DOCK11: variants seen among roughly 807,000 people sequenced by gnomAD.
The protein encoded by DOCK11 is dedicator of cytokinesis 11, also known as dedicator of cytokinesis protein 11.
Under a neutral mutation model 169.1 loss-of-function variants are expected in DOCK11, and 70 were observed. The ratio of observed to expected loss-of-function variants is 0.41; its 90% CI spans 0.34 to 0.51. The LOEUF (loss-of-function observed/expected upper bound fraction) is 0.51, where lower values mean the gene tolerates loss of function less well. Ranked by LOEUF, DOCK11 falls within the 20% of genes least tolerant of loss-of-function variation. The pLI is 0.10. For synonymous variants in DOCK11, 529 were observed against 541.3 expected, an observed-to-expected ratio of 0.98 and a Z score of 0.32; for missense variants, 1,166 against 1,538.8, an observed-to-expected ratio of 0.76 and a Z score of 4.05.
At chrX:118,629,994 G>C (rs2015197971) in intron 34 of DOCK11, among the ~76,000 whole-genome samples, 1 of 110,217 alleles carries the variant, frequency 9.1e-6, no homozygotes, top group African/African-American at 3.3e-5. Flanking sequence ...GTATGATTTG[G>C]AGGTTGGATT....
At chrX:118,653,378 G>T (rs113005189) in intron 42 of DOCK11, among the ~76,000 whole-genome samples, 15,607 of 110,428 alleles carry the variant, frequency 0.14, 897 homozygotes, top group Non-Finnish European at 0.17. Flanking sequence ...TTTAAAGGGA[G>T]TCAAAGCCAG....
intron 16 of DOCK11, 49 bp downstream of exon 16, chrX:118,585,166 G>T: frequency 9.3e-7 from 1 of 1,071,446 alleles, no homozygotes; most frequent in South Asian, 1.9e-5. Context: ...TGAATGTCAG[G>T]TTGTTATCCT....
intron 7 of DOCK11, among the ~76,000 whole-genome samples, chrX:118,565,594 T>A (rs1451233113): frequency 8.9e-6 from 1 of 112,189 alleles, no homozygotes; most frequent in Non-Finnish European, 1.9e-5. Context: ...TCAGGTCATA[T>A]TTAAATTTTT....
At chrX:118,536,750 G>A (rs2011767700) in intron 1 of DOCK11, among the ~76,000 whole-genome samples, 2 of 111,546 alleles carry the variant, frequency 1.8e-5, no homozygotes, top group African/African-American at 6.5e-5. Flanking sequence ...GGCAAGGTCT[G>A]TTTTTTTATT....
intron 27 of DOCK11, among the ~76,000 whole-genome samples, 154 bp from the exon 28 acceptor site, chrX:118,610,118 C>A (rs187355205): frequency 1.8e-5 from 2 of 112,135 alleles, no homozygotes; most frequent in East Asian, 5.6e-4. Flanking sequence ...GAGTGAAGTA[C>A]ATCTTGAACT....
chrX:118,649,019 A>G lies in DOCK11; in HGVS notation c.4473A>G (p.Thr1491=). Residue 1491 remains threonine (T), a synonymous_variant, in exon 41 of 53, where the codon ACA becomes ACG. Coordinates refer to ENST00000276202, the MANE Select transcript of DOCK11 (RefSeq NM_144658.4). The stretch of plus-strand genomic sequence containing the variant: ...GCTATGAGGTTTTAAAGTGCTGCAC[A>G]TCGAAGATTAGCTCAACCAGGAATG... The part of the protein sequence containing the change: ...AFCYEVLKCC[T]SKISSTRNEA... 2 of 1,209,275 alleles carry G rather than the reference A, an allele frequency of 1.7e-6. No individual in the cohort carries two copies. The highest frequency in any genetic ancestry group is 2.2e-6 in the Non-Finnish European group (2 of 893,859).
chrX:118,516,186 G>A (rs376810254), intron 1 of DOCK11, among the ~76,000 whole-genome samples: 19 of 91,041 alleles, frequency 2.1e-4, no homozygotes, highest in East Asian at 7.0e-4. Flanking sequence ...TCCGCCTCCC[G>A]GGTTCACGCC....
chrX:118,634,399 G>C (rs2015330715), intron 35 of DOCK11, among the ~76,000 whole-genome samples: 1 of 112,634 alleles, frequency 8.9e-6, no homozygotes, highest in Non-Finnish European at 1.9e-5. Context: ...CAGTGGATTG[G>C]AGCTAGTTCG....
intron 46 of DOCK11, among the ~76,000 whole-genome samples, chrX:118,672,637 G>A (rs778002961): frequency 6.2e-5 from 7 of 112,242 alleles, no homozygotes; most frequent in Non-Finnish European, 1.1e-4. Context: ...GGGTTTCACC[G>A]TGTTAGCCAA....
In DOCK11 at chrX:118,652,046, A is replaced by G. The variant is rs141709745; in HGVS notation, c.4664A>G (p.Asn1555Ser). The G allele has an allele frequency of 3.3e-5, 39 of 1,196,511 alleles. No homozygotes were observed. The highest frequency in any genetic ancestry group is 4.3e-5 in the Non-Finnish European group (38 of 885,196). ...SRFQESLFIINNFANSDRPMK... is the reference protein window; with the variant it reads ...SRFQESLFIISNFANSDRPMK... ...TTTCAGGAGTCTTTATTCATTATCA[A>G]TAATTTTGCAAATAGTGACAGACCT... Residue 1555 changes from asparagine (N) to serine (S), a missense_variant, in exon 42 of 53, where the codon AAT (asparagine) becomes AGT (serine). Transcript: ENST00000276202.
At chrX:118,577,517 G>A (rs2013485439) in intron 12 of DOCK11, among the ~76,000 whole-genome samples, 1 of 112,326 alleles carries the variant, frequency 8.9e-6, no homozygotes, top group Admixed American at 9.4e-5. Flanking sequence ...AATTTGACAA[G>A]CAATTTTGAA....
chrX:118,567,472 GC>G (rs1422002256), intron 9 of DOCK11, among the ~76,000 whole-genome samples: 1 of 96,906 alleles, frequency 1.0e-5, no homozygotes, highest in Non-Finnish European at 2.0e-5. Context: ...TCACTCTATC[GC>G]CCAGGCTGGA....
At position 118,597,467 on chromosome X, in the gene DOCK11, G is replaced by C; in HGVS notation, c.2300G>C (p.Arg767Thr). 8.3e-7 allele frequency: 1 copy of C among 1,211,444 alleles called. No homozygotes were observed. Among genetic ancestry groups the C allele is most frequent in the Non-Finnish European group, 1.1e-6 (1 of 895,261 alleles). ...TGGGTACCTTTGCTGAAAGATGGTAGAATCATCACATTTGAGCAGCAGCTG... is the reference window on the plus strand; with the variant it reads ...TGGGTACCTTTGCTGAAAGATGGTACAATCATCACATTTGAGCAGCAGCTG... ...FAWVPLLKDGRIITFEQQLPV... is the reference protein window; with the variant it reads ...FAWVPLLKDGTIITFEQQLPV... Residue 767 changes from arginine to threonine, a missense_variant, in exon 21 of 53, where the codon AGA becomes ACA. Physicochemically the swap from Arg to Thr is moderately conservative, Grantham distance 71. Coordinates refer to ENST00000276202, the MANE Select transcript of DOCK11 (RefSeq NM_144658.4).
At chrX:118,568,373 TATATA>T (rs2013148321) in intron 10 of DOCK11, among the ~76,000 whole-genome samples, 3 of 1,155 alleles carry the variant, frequency 2.6e-3, no homozygotes, top group Admixed American at 6.2e-3. Flanking sequence ...GGCTGAATTA[TATATA>T]TATATATATA....
At chrX:118,607,500 C>T (rs752551250) in intron 24 of DOCK11, among the ~76,000 whole-genome samples, 110 of 96,331 alleles carry the variant, frequency 1.1e-3, no homozygotes, top group Non-Finnish European at 1.8e-3. Flanking sequence ...TGGCTCACTG[C>T]AAGCTCCGCC....
At chrX:118,580,645 G>A (rs2013600713) in intron 14 of DOCK11, among the ~76,000 whole-genome samples, 1 of 100,429 alleles carries the variant, frequency 1.0e-5, no homozygotes. Flanking sequence ...ACTTTGCTGT[G>A]CATCAAAGAC....
intron 47 of DOCK11, 77 bp from the exon 48 acceptor site, chrX:118,676,510 CTAGT>C: frequency 2.0e-6 from 1 of 499,311 alleles, no homozygotes; most frequent in Non-Finnish European, 3.0e-6. Flanking sequence ...TATATTATTA[CTAGT>C]TATTTAGTAG....
chrX:118,661,209 CAAAAA>C (rs752353678), intron 44 of DOCK11, among the ~76,000 whole-genome samples: 1 of 68,572 alleles, frequency 1.5e-5, no homozygotes, highest in Non-Finnish European at 2.9e-5. Context: ...ACTCTGTCTC[CAAAAA>C]AAAAAAAAAA....
chrX:118,568,467 A>G (rs2013160353), intron 10 of DOCK11, among the ~76,000 whole-genome samples: 1 of 96,029 alleles, frequency 1.0e-5, no homozygotes, highest in Non-Finnish European at 2.1e-5. Context: ...TTTGCTCCTC[A>G]AAATAGATAA....
Sources: allele counts gnomAD v4.1 joint callset (sites outside exome capture counted in the v4.1 genomes callset), GRCh38; gene constraint gnomAD v4.1.1; transcripts MANE v1.5; gene names NCBI Gene and HGNC (gene_info 2026-07-23, HGNC 2026-07-21).